C1QTNF7: variants seen among roughly 807,000 people sequenced by gnomAD.
The protein encoded by C1QTNF7 is C1q and TNF related 7.
In C1QTNF7, 15 loss-of-function variants were observed where a neutral mutation model predicts 19.6. That is an observed-to-expected ratio of 0.76 (90% CI 0.51 to 1.18). The LOEUF (loss-of-function observed/expected upper bound fraction) is 1.18, where lower values mean the gene tolerates loss of function less well. Among genes scored for constraint, C1QTNF7 ranks in the 50% most tolerant of loss-of-function variants. The probability of loss-of-function intolerance (pLI) is 0.00; values close to 1 mark genes in which losing one functional copy is unlikely to be tolerated. For synonymous variants in C1QTNF7, 142 were observed against 137.5 expected (o/e 1.03, Z -0.23); for missense variants, 324 against 359.7 (o/e 0.90, Z 0.80).
chr4:15,347,722 C>T (rs1716768106), intron 1 of C1QTNF7, among the ~76,000 whole-genome samples: 1 of 152,160 alleles, frequency 6.6e-6, no homozygotes, highest in African/African-American at 2.4e-5. Flanking sequence ...GGCCACTCTA[C>T]CCTGGATATT....
intron 1 of C1QTNF7, among the ~76,000 whole-genome samples, chr4:15,371,420 C>G (rs1333650223): frequency 6.6e-6 from 1 of 152,206 alleles, no homozygotes; most frequent in Non-Finnish European, 1.5e-5. Flanking sequence ...TTGCCCCTGT[C>G]TAATCCTCCC....
chr4:15,369,300 C>A (rs941960244), intron 1 of C1QTNF7, among the ~76,000 whole-genome samples: 3 of 152,184 alleles, frequency 2.0e-5, no homozygotes, highest in Non-Finnish European at 2.9e-5. Flanking sequence ...TGCAGGGAAA[C>A]CAGCATCACT....
intron 1 of C1QTNF7, among the ~76,000 whole-genome samples, chr4:15,408,766 C>A (rs1039007484): frequency 4.6e-5 from 7 of 152,128 alleles, no homozygotes; most frequent in Non-Finnish European, 8.8e-5. Context: ...TTCCCAATAG[C>A]ACTCAGCTGC....
chr4:15,399,317 G>A (rs980786814), intron 1 of C1QTNF7, among the ~76,000 whole-genome samples: 1 of 152,112 alleles, frequency 6.6e-6, no homozygotes, highest in African/African-American at 2.4e-5. Context: ...GGGTGTGTTG[G>A]GGAGGAAGCC....
intron 2 of C1QTNF7, among the ~76,000 whole-genome samples, chr4:15,440,333 C>T (rs562917340): frequency 8.6e-5 from 13 of 151,858 alleles, no homozygotes; most frequent in Admixed American, 3.3e-4. Context: ...AGGTAAAAGG[C>T]ATTTTAATGA....
intron 2 of C1QTNF7, among the ~76,000 whole-genome samples, chr4:15,440,452 G>A (rs571021226): frequency 8.0e-5 from 12 of 150,518 alleles, no homozygotes; most frequent in African/African-American, 2.9e-4. Flanking sequence ...CTGCCGCCCG[G>A]GCTGATGTGC....
intron 1 of C1QTNF7, among the ~76,000 whole-genome samples, chr4:15,383,018 T>C (rs1003597245): frequency 6.6e-6 from 1 of 152,186 alleles, no homozygotes; most frequent in African/African-American, 2.4e-5. Context: ...TCTCCAGACT[T>C]AGGAGCCTAA....
At chr4:15,365,152 T>C (rs751201983) in intron 1 of C1QTNF7, among the ~76,000 whole-genome samples, 19 of 152,132 alleles carry the variant, frequency 1.2e-4, no homozygotes, top group Non-Finnish European at 2.1e-4. Flanking sequence ...TTTGGCACCA[T>C]ATATATGTTC....
intron 1 of C1QTNF7, among the ~76,000 whole-genome samples, chr4:15,367,394 T>C (rs903857662): frequency 2.6e-5 from 4 of 152,216 alleles, no homozygotes; most frequent in Admixed American, 6.5e-5. Context: ...TTCCACTACA[T>C]TTTCAGCATT....
intron 1 of C1QTNF7, among the ~76,000 whole-genome samples, chr4:15,382,234 A>G (rs1718175345): frequency 6.6e-6 from 1 of 152,092 alleles, no homozygotes; most frequent in African/African-American, 2.4e-5. Flanking sequence ...CATTTTAATT[A>G]TCTCCCCATG....
At chr4:15,357,441 G>T (rs1295417205) in intron 1 of C1QTNF7, among the ~76,000 whole-genome samples, 1 of 152,152 alleles carries the variant, frequency 6.6e-6, no homozygotes, top group African/African-American at 2.4e-5. Flanking sequence ...CCTCTGTTCT[G>T]TTCCATTGGT....
intron 1 of C1QTNF7, among the ~76,000 whole-genome samples, chr4:15,348,156 C>G (rs2109283981): frequency 6.6e-6 from 1 of 152,280 alleles, no homozygotes; most frequent in Middle Eastern, 3.4e-3. Flanking sequence ...TTTCCTCTCC[C>G]TGGACAAATT....
intron 1 of C1QTNF7, among the ~76,000 whole-genome samples, chr4:15,404,626 G>C (rs896701663): frequency 3.3e-5 from 5 of 152,160 alleles, no homozygotes; most frequent in African/African-American, 1.2e-4. Flanking sequence ...CAATGACTAG[G>C]ATCACTTAGT....
intron 1 of C1QTNF7, among the ~76,000 whole-genome samples, chr4:15,403,948 G>A (rs7697778): frequency 0.36 from 54,452 of 151,836 alleles, 10,058 homozygotes; most frequent in East Asian, 0.54. Context: ...TACTACTATC[G>A]ATATATTTTA....
intron 1 of C1QTNF7, 79 bp downstream of exon 1, chr4:15,428,185 C>A: frequency 1.8e-6 from 1 of 556,920 alleles, no homozygotes; most frequent in Non-Finnish European, 2.3e-6. Context: ...AGCTTTTTAG[C>A]TTATTAAACA....
At chr4:15,438,968 A>G (rs1277651282) in intron 2 of C1QTNF7, among the ~76,000 whole-genome samples, 3 of 152,236 alleles carry the variant, frequency 2.0e-5, no homozygotes. Context: ...GAATGGTTGG[A>G]TGGAAGGAAG....
intron 1 of C1QTNF7, among the ~76,000 whole-genome samples, chr4:15,357,750 C>G (rs527966178): frequency 5.5e-4 from 83 of 152,166 alleles, no homozygotes; most frequent in Admixed American, 9.8e-4. Flanking sequence ...TGTGTCCTCT[C>G]TTATTTCCTT....
At chr4:15,373,942 T>C (rs1301646508) in intron 1 of C1QTNF7, 2 of 152,210 alleles carry the variant, frequency 1.3e-5, no homozygotes, top group Non-Finnish European at 1.5e-5. Flanking sequence ...GCTTTCATCC[T>C]GGACAAAATG....
chr4:15,349,276 T>C (rs1716820288), intron 1 of C1QTNF7, among the ~76,000 whole-genome samples: 2 of 152,172 alleles, frequency 1.3e-5, no homozygotes, highest in Admixed American at 1.3e-4. Context: ...GAATCCACAC[T>C]CCTTCCTCTC....
Sources: allele counts gnomAD v4.1 joint callset (sites outside exome capture counted in the v4.1 genomes callset), GRCh38; gene constraint gnomAD v4.1.1; transcripts MANE v1.5; gene names NCBI Gene and HGNC (gene_info 2026-07-23, HGNC 2026-07-21).